The following TNRC6C variants were observed in gnomAD, a reference collection of about 807,000 sequenced individuals.
TNRC6C encodes the protein trinucleotide repeat-containing gene 6C protein.
TNRC6C carries 20 observed loss-of-function variants against 153.7 expected under a neutral mutation model. That is an observed-to-expected ratio of 0.13 (90% confidence interval 0.09 to 0.19). The LOEUF (loss-of-function observed/expected upper bound fraction) is 0.19. Ranked by LOEUF, TNRC6C falls within the 10% of genes least tolerant of loss-of-function variation. The probability of loss-of-function intolerance (pLI) is 1.00; values close to 1 mark genes in which losing one functional copy is unlikely to be tolerated. For missense variants in TNRC6C, 1,987 were observed against 2,172.0 expected (o/e 0.91, Z 1.69); for synonymous variants, 811 against 841.4 (o/e 0.96, Z 0.63).
chr17:78,016,753 G>T (rs578183360), intron 1 of TNRC6C, among the ~76,000 whole-genome samples: 1 of 152,258 alleles, frequency 6.6e-6, no homozygotes, highest in East Asian at 1.9e-4. Context: ...CTGAGAGGAG[G>T]AGGATTATTA....
chr17:78,074,866 G>A lies in TNRC6C; in HGVS notation c.2918-270G>A, dbSNP rs573598472. Among the ~76,000 whole-genome samples, 176 of 152,374 alleles carry A rather than the reference G, an allele frequency of 1.2e-3. 1 individual carries two copies. Among genetic ancestry groups the A allele is most frequent in the South Asian group, 5.0e-3 (24 of 4,826 alleles). On this transcript the variant is annotated intron_variant, in intron 7 of 19. Coordinates refer to ENST00000301624, the Ensembl canonical transcript of TNRC6C. ...AGCAGTGGCTGGTGTGGCTGCTGCGGAGAGGATAGAGGGCGGCAGGGCCAG... is the reference window on the plus strand; with the variant it reads ...AGCAGTGGCTGGTGTGGCTGCTGCGAAGAGGATAGAGGGCGGCAGGGCCAG...
intron 1 of TNRC6C, among the ~76,000 whole-genome samples, chr17:77,993,802 A>G (rs958950032): frequency 6.6e-6 from 1 of 152,132 alleles, no homozygotes; most frequent in African/African-American, 2.4e-5. Context: ...TACATTTCAC[A>G]TTTTTAATGT....
intron 1 of TNRC6C, among the ~76,000 whole-genome samples, chr17:78,010,955 C>T (rs902496231): frequency 1.1e-4 from 17 of 152,180 alleles, no homozygotes; most frequent in Non-Finnish European, 2.1e-4. Flanking sequence ...GGCAAGGAAG[C>T]GGGGCGCTGT....
upstream of TNRC6C, among the ~76,000 whole-genome samples, chr17:77,958,483 G>A (rs1398410661): frequency 1.3e-5 from 2 of 152,006 alleles, no homozygotes; most frequent in Non-Finnish European, 2.9e-5. Flanking sequence ...GGGGAAAGGA[G>A]GAGGCGTGGC....
intron 1 of TNRC6C, among the ~76,000 whole-genome samples, chr17:78,007,134 C>T (rs1246300616): frequency 6.6e-6 from 1 of 152,098 alleles, no homozygotes; most frequent in Non-Finnish European, 1.5e-5. Flanking sequence ...CGTGAGCCAC[C>T]GCACCTGGCC....
At chr17:78,056,796 C>T (rs917861055) in intron 3 of TNRC6C, among the ~76,000 whole-genome samples, 6 of 152,030 alleles carry the variant, frequency 3.9e-5, no homozygotes, top group Non-Finnish European at 5.9e-5. Flanking sequence ...TTTTAGTAGC[C>T]AAAACATGGG....
intron 3 of TNRC6C, among the ~76,000 whole-genome samples, chr17:78,061,220 T>C (rs539904071): frequency 6.6e-6 from 1 of 152,348 alleles, no homozygotes; most frequent in South Asian, 2.1e-4. Flanking sequence ...ATCAGTATTT[T>C]AAATGTAAGA....
chr17:78,001,662 T>A (rs553288882), upstream of TNRC6C, among the ~76,000 whole-genome samples: 3 of 152,334 alleles, frequency 2.0e-5, no homozygotes, highest in Non-Finnish European at 4.4e-5. Flanking sequence ...ATCCCAGTTA[T>A]ACCAACAGTG....
At chr17:78,076,088 C>G (rs116634351) in intron 8 of TNRC6C, among the ~76,000 whole-genome samples, 1 of 151,746 alleles carries the variant, frequency 6.6e-6, no homozygotes, top group Non-Finnish European at 1.5e-5. Flanking sequence ...TGGTGGCACA[C>G]GCCTGTGAAC....
chr17:78,007,131 C>T (rs535226976), intron 1 of TNRC6C, among the ~76,000 whole-genome samples: 2 of 152,274 alleles, frequency 1.3e-5, no homozygotes, highest in South Asian at 4.1e-4. Flanking sequence ...AGGCGTGAGC[C>T]ACCGCACCTG....
At chr17:78,014,442 T>C (rs572960903) in intron 1 of TNRC6C, among the ~76,000 whole-genome samples, 11 of 152,188 alleles carry the variant, frequency 7.2e-5, no homozygotes, top group African/African-American at 2.4e-4. Flanking sequence ...ATTTTCTAAA[T>C]TGATCTTCTA....
chr17:78,024,800 C>CT (rs879335860), intron 1 of TNRC6C, among the ~76,000 whole-genome samples: 92 of 144,092 alleles, frequency 6.4e-4, no homozygotes, highest in African/African-American at 1.1e-3. Context: ...AGTATTGATA[C>CT]TTTTTTTTTT....
upstream of TNRC6C, among the ~76,000 whole-genome samples, chr17:77,958,730 G>C (rs2070833195): frequency 6.6e-6 from 1 of 151,318 alleles, no homozygotes; most frequent in Non-Finnish European, 1.5e-5. Flanking sequence ...GGCCGCGGTG[G>C]CAGCTCCGCA....
At chr17:78,100,384 G>A (rs1182918969) in intron 17 of TNRC6C, among the ~76,000 whole-genome samples, 1 of 152,226 alleles carries the variant, frequency 6.6e-6, no homozygotes, top group Non-Finnish European at 1.5e-5. Flanking sequence ...AATCTAGGTG[G>A]AGGTTCCCAA....
chr17:78,085,412 G>T (rs2073262504), intron 11 of TNRC6C, among the ~76,000 whole-genome samples: 1 of 152,124 alleles, frequency 6.6e-6, no homozygotes, highest in Admixed American at 6.5e-5. Context: ...CTTAAGTGGG[G>T]TATTTTATTC....
intron 1 of TNRC6C, among the ~76,000 whole-genome samples, chr17:77,974,063 GGAGAGA>G (rs548748635): frequency 1.4e-5 from 2 of 147,362 alleles, no homozygotes; most frequent in Non-Finnish European, 3.0e-5. Flanking sequence ...GGGGGAGGGG[GGAGAGA>G]GAGAGAGAGA....
intron 1 of TNRC6C, among the ~76,000 whole-genome samples, chr17:78,022,335 T>C (rs1240596131): frequency 2.0e-5 from 3 of 152,250 alleles, no homozygotes; most frequent in African/African-American, 7.2e-5. Flanking sequence ...GGAAACCATA[T>C]TCCATATCCA....
chr17:78,047,544 AT>A (rs886450746), intron 2 of TNRC6C, among the ~76,000 whole-genome samples: 3 of 151,958 alleles, frequency 2.0e-5, no homozygotes, highest in African/African-American at 4.8e-5. Flanking sequence ...TCTAATGCTA[AT>A]TTTTTTTGCA....
intron 1 of TNRC6C, among the ~76,000 whole-genome samples, chr17:77,982,380 C>T (rs531577091): frequency 1.3e-5 from 2 of 151,786 alleles, no homozygotes; most frequent in Admixed American, 6.6e-5. Context: ...GGACATAATT[C>T]TTTCATAGAA....
Sources: gnomAD v4.1 joint callset for allele counts (sites outside exome capture counted in the v4.1 genomes callset) on GRCh38, gnomAD v4.1.1 for gene constraint, MANE v1.5 for transcripts, NCBI Gene and HGNC (gene_info 2026-07-23, HGNC 2026-07-21) for gene names.